AFF3: variants seen among roughly 807,000 people sequenced by gnomAD.
AFF3 encodes AF4/FMR2 family member 3.
Under a neutral mutation model 129.7 loss-of-function variants are expected in AFF3, and 32 were observed. That is an observed-to-expected ratio of 0.25 (90% CI 0.19 to 0.33). The LOEUF (loss-of-function observed/expected upper bound fraction) is 0.33, where lower values mean the gene tolerates loss of function less well. AFF3 is among the 10% of genes least tolerant of loss of function. AFF3 has a pLI of 1.00. For synonymous variants in AFF3, 644 were observed against 635.4 expected (o/e 1.01, Z -0.20); for missense variants, 1,373 against 1,592.0 (o/e 0.86, Z 2.34).
intron 11 of AFF3, among the ~76,000 whole-genome samples, chr2:99,674,141 C>T (rs1259213586): frequency 3.3e-5 from 5 of 152,152 alleles, no homozygotes; most frequent in African/African-American, 4.8e-5. Flanking sequence ...CTCCCAGTGC[C>T]GAGAGGTGTC....
At chr2:99,694,187 C>T (rs183919108) in intron 11 of AFF3, among the ~76,000 whole-genome samples, 5 of 151,598 alleles carry the variant, frequency 3.3e-5, no homozygotes, top group South Asian at 2.1e-4. Context: ...TGTGAGCCAC[C>T]GCGTCTGGCC....
chr2:99,684,734 C>T (rs1184409799), intron 11 of AFF3, among the ~76,000 whole-genome samples: 2 of 151,762 alleles, frequency 1.3e-5, no homozygotes, highest in Non-Finnish European at 2.9e-5. Flanking sequence ...ACCTCGGCCT[C>T]CCAAAGTGCT....
At chr2:99,676,946 G>A (rs565138882) in intron 11 of AFF3, among the ~76,000 whole-genome samples, 4 of 152,274 alleles carry the variant, frequency 2.6e-5, no homozygotes, top group Non-Finnish European at 5.9e-5. Flanking sequence ...AGATGACAAT[G>A]GGGAAGTTGA....
intron 1 of AFF3, among the ~76,000 whole-genome samples, chr2:100,132,615 A>G (rs926169482): frequency 3.3e-5 from 5 of 152,224 alleles, no homozygotes; most frequent in Non-Finnish European, 7.3e-5. Flanking sequence ...TAAGTGAAGT[A>G]TAAGGCAGTA....
rs1691378821 is a variant in AFF3 at position 100,108,035 on chromosome 2, C to T, written c.-144-2452G>A. Among the ~76,000 whole-genome samples the T allele has an allele frequency of 3.3e-5, 4 of 121,720 alleles. 1 individual carries two copies. In the South Asian group the frequency reaches 1.1e-3, roughly 35 times the overall value. 79.9% of individuals were successfully genotyped at this position (121,720 alleles called of 152,430 possible). ...TGGTACTGCTGGAAGGTGATAGGAG[C>T]ATCATCAAGCTGCCTCAGCCCCTAC... On this transcript the variant is annotated intron_variant, in intron 2 of 24. Coordinates refer to ENST00000672756, the MANE Select transcript of AFF3 (RefSeq NM_001386135.1).
intron 7 of AFF3, among the ~76,000 whole-genome samples, chr2:99,848,533 G>A (rs1443489438): frequency 6.6e-6 from 1 of 152,076 alleles, no homozygotes; most frequent in African/African-American, 2.4e-5. Flanking sequence ...TCTGCACCAA[G>A]AATTTACCTT....
chr2:99,591,522 C>A (rs1200845931), intron 15 of AFF3, among the ~76,000 whole-genome samples: 1 of 152,170 alleles, frequency 6.6e-6, no homozygotes, highest in East Asian at 1.9e-4. Context: ...GTCATAGGTG[C>A]CCTTAGGTTA....
chr2:99,996,889 C>A lies in AFF3; in HGVS notation c.873+9743G>T, dbSNP rs75987235. On this transcript the variant is annotated intron_variant, in intron 7 of 24. Coordinates refer to ENST00000672756, the MANE Select transcript of AFF3 (RefSeq NM_001386135.1). ...GACCTCCATGTTACTAAGCCTAACACAGCAGAGGTGACACTGGTAATAACT... is the reference window on the plus strand; with the variant it reads ...GACCTCCATGTTACTAAGCCTAACAAAGCAGAGGTGACACTGGTAATAACT... Among the ~76,000 whole-genome samples, 111 of 152,256 alleles carry A rather than the reference C, an allele frequency of 7.3e-4. 2 individuals carry two copies. In the East Asian group the frequency reaches 0.02, roughly 28 times the overall value.
intron 11 of AFF3, among the ~76,000 whole-genome samples, chr2:99,716,311 A>G (rs965067854): frequency 1.3e-5 from 2 of 152,196 alleles, no homozygotes. Flanking sequence ...GAGAAACAAT[A>G]TAAGAGCTCT....
intron 13 of AFF3, among the ~76,000 whole-genome samples, chr2:99,627,591 G>A (rs772922781): frequency 3.9e-5 from 6 of 152,030 alleles, no homozygotes; most frequent in Non-Finnish European, 7.4e-5. Context: ...GATCCCATGT[G>A]TCAATTTTTG....
Position 99,545,961 on chromosome 2 carries a change from A to G in AFF3, c.*5513T>C, listed in dbSNP as rs1674062732. 1 of 214,462 alleles carries G rather than the reference A, an allele frequency of 4.7e-6. No homozygotes were observed. The allele number at this position is 214,462 out of a possible 1,614,324, so 13.3% of individuals were successfully genotyped here. On this transcript the variant is annotated 3_prime_UTR_variant, in exon 25 of 25. Transcript: ENST00000672756. ...GAATAATCTGGACAAAGGGAACACA[A>G]ATCTCAAGTCTGAACATTTCTTGTG...
intron 7 of AFF3, among the ~76,000 whole-genome samples, chr2:99,944,829 C>A (rs1490424621): frequency 6.6e-6 from 1 of 152,118 alleles, no homozygotes; most frequent in Admixed American, 6.5e-5. Flanking sequence ...TCCAGCAAAA[C>A]ATAATAAACA....
intron 16 of AFF3, among the ~76,000 whole-genome samples, chr2:99,586,140 C>A (rs1023692827): frequency 6.6e-6 from 1 of 152,240 alleles, no homozygotes. Context: ...TTATTTAGTG[C>A]ATTAACAAGC....
At chr2:99,713,152 G>A (rs1170364855) in intron 11 of AFF3, among the ~76,000 whole-genome samples, 2 of 152,182 alleles carry the variant, frequency 1.3e-5, no homozygotes, top group African/African-American at 4.8e-5. Flanking sequence ...GTTCTAAGGA[G>A]AGGGTGGTGA....
intron 13 of AFF3, among the ~76,000 whole-genome samples, chr2:99,638,045 C>T (rs1683827729): frequency 6.6e-6 from 1 of 151,334 alleles, no homozygotes; most frequent in African/African-American, 2.4e-5. Context: ...AGAGAGGTAG[C>T]ACAAAGTGGG....
intron 7 of AFF3, among the ~76,000 whole-genome samples, chr2:99,979,376 T>C (rs890645740): frequency 6.6e-6 from 1 of 152,130 alleles, no homozygotes; most frequent in Non-Finnish European, 1.5e-5. Context: ...GCTCTGAGGC[T>C]GAGAATATTT....
chr2:99,976,828 A>AT (rs1241505958), intron 7 of AFF3, among the ~76,000 whole-genome samples: 3 of 145,252 alleles, frequency 2.1e-5, no homozygotes, highest in African/African-American at 7.7e-5. Context: ...AAAAAGGCTT[A>AT]TATTTACTTG....
At chr2:99,684,569 G>A (rs1312057219) in intron 11 of AFF3, among the ~76,000 whole-genome samples, 2 of 152,006 alleles carry the variant, frequency 1.3e-5, no homozygotes, top group Non-Finnish European at 2.9e-5. Context: ...TTTATTGGCT[G>A]GAGATTGGTA....
At chr2:99,870,788 T>C (rs10193040) in intron 7 of AFF3, among the ~76,000 whole-genome samples, 1 of 152,212 alleles carries the variant, frequency 6.6e-6, no homozygotes, top group Non-Finnish European at 1.5e-5. Flanking sequence ...AATTTGACAA[T>C]TTATCAACTA....
Sources: allele counts gnomAD v4.1 joint callset (sites outside exome capture counted in the v4.1 genomes callset), GRCh38; gene constraint gnomAD v4.1.1; transcripts MANE v1.5; gene names NCBI Gene and HGNC (gene_info 2026-07-23, HGNC 2026-07-21).